PPM1L: variants seen among roughly 807,000 people sequenced by gnomAD.
PPM1L encodes protein phosphatase, Mg2+/Mn2+ dependent 1L, also known as protein phosphatase 1L.
PPM1L carries 13 observed loss-of-function variants against 31.4 expected under a neutral mutation model. That is an observed-to-expected ratio of 0.41 (90% CI 0.27 to 0.66). PPM1L has a LOEUF of 0.66. PPM1L is among the 30% of genes least tolerant of loss of function. The pLI, the probability that PPM1L is intolerant of heterozygous loss-of-function variation, is 0.29. For synonymous variants in PPM1L, 184 were observed against 175.4 expected (o/e 1.05, Z -0.39); for missense variants, 326 against 453.7 (o/e 0.72, Z 2.56).
At chr3:160,765,334 A>G (rs567273489) in intron 1 of PPM1L, among the ~76,000 whole-genome samples, 5 of 152,336 alleles carry the variant, frequency 3.3e-5, no homozygotes, top group Admixed American at 3.3e-4. Context: ...AATTTGGTCA[A>G]TGAAGTGCTG....
At chr3:160,801,833 TA>T (rs1712435680) in intron 1 of PPM1L, among the ~76,000 whole-genome samples, 1 of 152,222 alleles carries the variant, frequency 6.6e-6, no homozygotes, top group African/African-American at 2.4e-5. Flanking sequence ...ACAGATTATA[TA>T]TGTTGTATAG....
intron 1 of PPM1L, among the ~76,000 whole-genome samples, chr3:160,896,830 C>T (rs371618514): frequency 3.2e-4 from 48 of 152,188 alleles, no homozygotes; most frequent in African/African-American, 1.1e-3. Context: ...TTTGTGTAGC[C>T]TAATAAAAAG....
chr3:161,021,943 A>C (rs1483470465), intron 2 of PPM1L, among the ~76,000 whole-genome samples: 1 of 152,060 alleles, frequency 6.6e-6, no homozygotes, highest in African/African-American at 2.4e-5. Context: ...AGATTTAAAA[A>C]TCTATTTTGC....
At chr3:160,968,902 A>G (rs1716237348) in intron 2 of PPM1L, among the ~76,000 whole-genome samples, 1 of 152,212 alleles carries the variant, frequency 6.6e-6, no homozygotes, top group South Asian at 2.1e-4. Flanking sequence ...TCAGACCAGC[A>G]AGGGCTTTCT....
At chr3:160,947,101 C>T (rs1193520069) in intron 1 of PPM1L, among the ~76,000 whole-genome samples, 1 of 152,112 alleles carries the variant, frequency 6.6e-6, no homozygotes, top group African/African-American at 2.4e-5. Context: ...TGTTAACTGG[C>T]AAGTCAGGAG....
intron 2 of PPM1L, among the ~76,000 whole-genome samples, chr3:160,969,868 A>G (rs1482718423): frequency 2.0e-5 from 3 of 152,228 alleles, no homozygotes; most frequent in African/African-American, 7.2e-5. Flanking sequence ...AAACTAAATA[A>G]ATATACTTTA....
intron 2 of PPM1L, among the ~76,000 whole-genome samples, chr3:161,051,511 G>A (rs982061182): frequency 8.5e-5 from 13 of 152,168 alleles, no homozygotes; most frequent in Middle Eastern, 3.4e-3. Flanking sequence ...TAGATGTATG[G>A]ATGAGATATC....
At chr3:160,764,222 C>A (rs1715043968) in intron 1 of PPM1L, among the ~76,000 whole-genome samples, 1 of 152,138 alleles carries the variant, frequency 6.6e-6, no homozygotes, top group Non-Finnish European at 1.5e-5. Context: ...GCCACAAACT[C>A]CTGGGCTCAG....
intron 1 of PPM1L, among the ~76,000 whole-genome samples, chr3:160,868,697 A>G (rs1408432569): frequency 1.3e-5 from 2 of 150,538 alleles, no homozygotes; most frequent in Non-Finnish European, 1.5e-5. Context: ...AATGACACTT[A>G]GGAACTGAGG....
chr3:160,829,561 A>T (rs1025083129), intron 1 of PPM1L, among the ~76,000 whole-genome samples: 5 of 152,122 alleles, frequency 3.3e-5, no homozygotes, highest in Admixed American at 6.6e-5. Flanking sequence ...TGGACATCAG[A>T]TACAATTTAC....
chr3:160,906,994 A>G (rs989022224), intron 1 of PPM1L, among the ~76,000 whole-genome samples: 1 of 152,320 alleles, frequency 6.6e-6, no homozygotes, highest in Middle Eastern at 3.4e-3. Context: ...CACTTTATCC[A>G]TGCTTTATTT....
Position 161,070,541 on chromosome 3 carries a change from C to T in PPM1L, c.*1384C>T, listed in dbSNP as rs1382140603. 6.6e-6 allele frequency: 1 copy of T among 152,190 alleles called. No individual in the cohort carries two copies. The highest frequency in any genetic ancestry group is 1.5e-5 in the Non-Finnish European group (1 of 68,046). 9.4% of individuals were successfully genotyped at this position (152,190 alleles called of 1,614,324 possible). A position where few individuals can be genotyped will look rare whatever the true frequency, so the allele number is the denominator to read the frequency against. On this transcript the variant is annotated 3_prime_UTR_variant, in exon 4 of 4. Transcript: ENST00000498165. ...GGCCTGGCTTGCTGCTCTCCATTTCCTGTATCGCTAATTTATCATTTTTCC... is the reference window on the plus strand; with the variant it reads ...GGCCTGGCTTGCTGCTCTCCATTTCTTGTATCGCTAATTTATCATTTTTCC...
chr3:160,781,190 T>A (rs1711739030), intron 1 of PPM1L, among the ~76,000 whole-genome samples: 1 of 152,212 alleles, frequency 6.6e-6, no homozygotes, highest in South Asian at 2.1e-4. Context: ...CCTTATTTTT[T>A]AGGAAAAGAA....
At chr3:160,759,670 C>T (rs944236056) in intron 1 of PPM1L, among the ~76,000 whole-genome samples, 23 of 152,016 alleles carry the variant, frequency 1.5e-4, no homozygotes, top group African/African-American at 4.4e-4. Flanking sequence ...AGTCATGGTG[C>T]GCTTAGAGTG....
At chr3:160,843,783 A>G (rs562837804) in intron 1 of PPM1L, among the ~76,000 whole-genome samples, 1 of 152,134 alleles carries the variant, frequency 6.6e-6, no homozygotes, top group African/African-American at 2.4e-5. Context: ...ATTACTGGGT[A>G]TATACCCAAA....
At chr3:160,808,356 C>T (rs1381246182) in intron 1 of PPM1L, among the ~76,000 whole-genome samples, 2 of 120,698 alleles carry the variant, frequency 1.7e-5, no homozygotes, top group Non-Finnish European at 3.4e-5. Flanking sequence ...AGCTGGGCTT[C>T]ATAAGAGCTG....
intron 1 of PPM1L, among the ~76,000 whole-genome samples, chr3:160,830,004 C>G (rs1315791991): frequency 6.6e-6 from 1 of 152,140 alleles, no homozygotes; most frequent in Non-Finnish European, 1.5e-5. Context: ...TGGTCTGTCA[C>G]ATAAACAGGG....
intron 1 of PPM1L, among the ~76,000 whole-genome samples, chr3:160,836,116 C>G (rs573796692): frequency 1.3e-5 from 2 of 152,200 alleles, no homozygotes; most frequent in Admixed American, 1.3e-4. Context: ...AGATAGGAAT[C>G]TGTTGCTCTC....
chr3:160,882,430 TGTA>T (rs1281081712), intron 1 of PPM1L: 3 of 152,228 alleles, frequency 2.0e-5, no homozygotes, highest in African/African-American at 7.2e-5. Flanking sequence ...GTTATTAAAC[TGTA>T]ATAAAAAGCA....
Sources: allele counts gnomAD v4.1 joint callset (sites outside exome capture counted in the v4.1 genomes callset), GRCh38; gene constraint gnomAD v4.1.1; transcripts MANE v1.5; gene names NCBI Gene and HGNC (gene_info 2026-07-23, HGNC 2026-07-21).